Variants in CECR2 observed in about 807,000 individuals in gnomAD.
CECR2 encodes the protein CECR2 histone acetyl-lysine reader.
A neutral mutation model predicts 154.5 loss-of-function variants in CECR2; 30 were observed. That is an observed-to-expected ratio of 0.19 (90% CI 0.15 to 0.26). The LOEUF is 0.26. Among genes scored for constraint, CECR2 ranks in the 10% least tolerant of loss-of-function variants. CECR2 has a pLI of 1.00. For synonymous variants in CECR2, 725 were observed against 683.7 expected (o/e 1.06, Z -0.94); for missense variants, 1,743 against 1,829.3 (o/e 0.95, Z 0.86).
At chr22:17,496,630 A>T (rs1402468454) in intron 2 of CECR2, among the ~76,000 whole-genome samples, 2 of 152,198 alleles carry the variant, frequency 1.3e-5, no homozygotes, top group Non-Finnish European at 2.9e-5. Flanking sequence ...ATTCTGGAGG[A>T]CTTTCTGCCT....
chr22:17,484,589 G>C (rs914511393), intron 2 of CECR2, among the ~76,000 whole-genome samples: 1 of 151,834 alleles, frequency 6.6e-6, no homozygotes, highest in South Asian at 2.1e-4. Context: ...TTTTTTGTTT[G>C]TTTGTTTGTT....
At chr22:17,536,989 C>T in intron 9 of CECR2, 114 bp from the exon 10 acceptor site, 1 of 1,284,244 alleles carries the variant, frequency 7.8e-7, no homozygotes, top group African/African-American at 1.5e-5. Flanking sequence ...GCAGAAGTTG[C>T]TTCATAATCC....
intron 1 of CECR2, among the ~76,000 whole-genome samples, chr22:17,422,347 G>A (rs1266961303): frequency 3.9e-5 from 6 of 152,056 alleles, no homozygotes; most frequent in Admixed American, 1.3e-4. Flanking sequence ...ACAGGCGCGC[G>A]CCACCAGGCC....
chr22:17,512,707 G>GAA (rs774207282), intron 8 of CECR2, among the ~76,000 whole-genome samples: 1 of 122,466 alleles, frequency 8.2e-6, no homozygotes, highest in African/African-American at 3.3e-5. Context: ...CTCTGTCTCA[G>GAA]AAAAAAAAAA....
intron 2 of CECR2, among the ~76,000 whole-genome samples, chr22:17,481,613 T>C (rs73379483): frequency 0.023 from 3,493 of 152,258 alleles, 156 homozygotes; most frequent in African/African-American, 0.08. Context: ...AAGGGCCAGA[T>C]AGTCAATACA....
At chr22:17,458,201 G>T (rs1038243631) in intron 1 of CECR2, among the ~76,000 whole-genome samples, 1 of 152,100 alleles carries the variant, frequency 6.6e-6, no homozygotes, top group Admixed American at 6.6e-5. Flanking sequence ...TGGATCACGA[G>T]ATCAGGAGTT....
At chr22:17,548,006 C>T (rs756528504) in intron 16 of CECR2, 142 bp from the exon 17 acceptor site, 8 of 761,864 alleles carry the variant, frequency 1.1e-5, no homozygotes, top group African/African-American at 1.8e-5. Context: ...GTCCTGCCCT[C>T]TTTCAGGGAC....
chr22:17,525,162 G>T (rs1046683802), intron 9 of CECR2, among the ~76,000 whole-genome samples: 2 of 150,252 alleles, frequency 1.3e-5, no homozygotes, highest in African/African-American at 4.9e-5. Flanking sequence ...GGGCATGCCT[G>T]TAATGCCAGC....
intron 2 of CECR2, among the ~76,000 whole-genome samples, chr22:17,481,048 T>TAAAAAAAAAAAAA (rs1569109739): frequency 3.8e-4 from 28 of 73,252 alleles, no homozygotes; most frequent in African/African-American, 1.1e-3. Context: ...TCTTTTTTTT[T>TAAAAAAAAAAAAA]TAAAAAAAAA....
In CECR2 at chr22:17,543,005, T is replaced by C. The variant is rs1460445248; in HGVS notation, c.2860+2T>C. 1.3e-6 allele frequency: 2 copies of C among 1,594,812 alleles called. No homozygotes were observed. Among genetic ancestry groups the C allele is most frequent in the African/African-American group, 2.7e-5 (2 of 74,442 alleles). ...CACAAGAGCCTGAGAATGACCAAGG[T>C]AATTTACACTGTCACTTTGGGCTCT... On this transcript the variant is annotated splice_donor_variant, in intron 16 of 18. Transcript: ENST00000262608. LOFTEE classifies it high-confidence loss of function.
Position 17,547,711 on chromosome 22 carries a change from C to T in CECR2, c.2861-437C>T, listed in dbSNP as rs563102804. Among the ~76,000 whole-genome samples the T allele has an allele frequency of 2.4e-4, 36 of 152,286 alleles. No individual in the cohort carries two copies. The South Asian group carries it at 7.3e-3, about 31-fold the overall frequency. ...GTGGAGCAGAAACCAGGCATTTGGC[C>T]TTCCTGAGCGCCCGTCATGCCCTGT... On this transcript the variant is annotated intron_variant, in intron 16 of 18. Transcript: ENST00000262608.
chr22:17,391,990 C>T (rs1214104396), intron 1 of CECR2, among the ~76,000 whole-genome samples: 6 of 152,070 alleles, frequency 3.9e-5, no homozygotes, highest in Non-Finnish European at 5.9e-5. Context: ...TTAGTAGAGA[C>T]GGGGTTTCAC....
At chr22:17,370,364 C>T (rs2063042942) in intron 1 of CECR2, among the ~76,000 whole-genome samples, 1 of 148,398 alleles carries the variant, frequency 6.7e-6, no homozygotes, top group East Asian at 2.0e-4. Context: ...GGGCGGGAGT[C>T]GGCCGCGGCC....
chr22:17,470,842 A>G (rs910575672), intron 1 of CECR2, among the ~76,000 whole-genome samples: 1 of 152,134 alleles, frequency 6.6e-6, no homozygotes, highest in African/African-American at 2.4e-5. Flanking sequence ...TGTTCTGCAG[A>G]CCACATCCAA....
At chr22:17,438,102 T>C (rs1404646383) in intron 1 of CECR2, among the ~76,000 whole-genome samples, 1 of 152,214 alleles carries the variant, frequency 6.6e-6, no homozygotes, top group East Asian at 1.9e-4. Flanking sequence ...TAAAAATGCA[T>C]TTCTTTAGCA....
At chr22:17,535,814 T>C (rs2056429469) in intron 9 of CECR2, among the ~76,000 whole-genome samples, 2 of 152,244 alleles carry the variant, frequency 1.3e-5, no homozygotes, top group South Asian at 2.1e-4. Context: ...AAAGGAGATA[T>C]AGATTAGCAT....
At chr22:17,442,233 A>G (rs536346769) in intron 1 of CECR2, among the ~76,000 whole-genome samples, 1 of 152,280 alleles carries the variant, frequency 6.6e-6, no homozygotes, top group Admixed American at 6.5e-5. Flanking sequence ...TTCACTTTGG[A>G]GCTCATGGGA....
At chr22:17,440,704 G>C (rs2054572011) in intron 1 of CECR2, among the ~76,000 whole-genome samples, 1 of 152,078 alleles carries the variant, frequency 6.6e-6, no homozygotes, top group Non-Finnish European at 1.5e-5. Flanking sequence ...AGAAAAACTT[G>C]ATTTCAAGTC....
At chr22:17,498,866 G>C (rs920689574) in intron 3 of CECR2, among the ~76,000 whole-genome samples, 2 of 152,222 alleles carry the variant, frequency 1.3e-5, no homozygotes, top group Non-Finnish European at 2.9e-5. Context: ...CAATGGTGGG[G>C]ATAGGGAGCA....
Sources: allele counts gnomAD v4.1 joint callset (sites outside exome capture counted in the v4.1 genomes callset), GRCh38; gene constraint gnomAD v4.1.1; transcripts MANE v1.5; gene names NCBI Gene and HGNC (gene_info 2026-07-23, HGNC 2026-07-21).